The following AHI1 variants were observed in gnomAD, a reference collection of about 807,000 sequenced individuals.
AHI1 encodes Abelson helper integration site 1.
In AHI1, 123 loss-of-function variants were observed where a neutral mutation model predicts 149.3. That is an observed-to-expected ratio of 0.82 (90% CI 0.71 to 0.96). The LOEUF (loss-of-function observed/expected upper bound fraction) is 0.96. Ranked by LOEUF, AHI1 falls within the 40% of genes least tolerant of loss-of-function variation. The pLI is 0.00. For synonymous variants in AHI1, 475 were observed against 459.8 expected (o/e 1.03, Z -0.42); for missense variants, 1,439 against 1,422.7 (o/e 1.01, Z -0.18).
intron 13 of AHI1, among the ~76,000 whole-genome samples, chr6:135,444,276 T>C (rs990828193): frequency 2.0e-5 from 3 of 152,186 alleles, no homozygotes; most frequent in Non-Finnish European, 2.9e-5. Context: ...CATCCTCAAA[T>C]ACAATTGTTA....
intron 8 of AHI1, among the ~76,000 whole-genome samples, chr6:135,459,935 T>C (rs1789608430): frequency 6.6e-6 from 1 of 152,122 alleles, no homozygotes; most frequent in Non-Finnish European, 1.5e-5. Flanking sequence ...CTCACATCTG[T>C]AATCCCAGCA....
intron 26 of AHI1, among the ~76,000 whole-genome samples, chr6:135,314,585 T>C (rs928222554): frequency 3.3e-5 from 5 of 152,248 alleles, no homozygotes; most frequent in African/African-American, 1.2e-4. Context: ...CTGTATCCCT[T>C]ACAGTCCTTA....
intron 27 of AHI1, among the ~76,000 whole-genome samples, chr6:135,291,530 G>C (rs1782351655): frequency 1.3e-5 from 2 of 152,204 alleles, no homozygotes; most frequent in Non-Finnish European, 2.9e-5. Flanking sequence ...GCCAGGAAGA[G>C]AGGCCTCACG....
chr6:135,496,358 T>A (rs886818584), intron 2 of AHI1, among the ~76,000 whole-genome samples: 3 of 152,240 alleles, frequency 2.0e-5, no homozygotes, highest in East Asian at 3.9e-4. Flanking sequence ...CCTCAAGTGA[T>A]CCACCCACTT....
chr6:135,414,815 T>G (rs929162335), intron 20 of AHI1, among the ~76,000 whole-genome samples: 4 of 151,914 alleles, frequency 2.6e-5, no homozygotes, highest in Non-Finnish European at 4.4e-5. Context: ...TATTTATTTT[T>G]ATTTTATTAT....
intron 20 of AHI1, among the ~76,000 whole-genome samples, chr6:135,420,878 C>G (rs772149991): frequency 1.3e-5 from 2 of 152,174 alleles, no homozygotes; most frequent in Non-Finnish European, 2.9e-5. Context: ...AGCCTTTGCC[C>G]TATCTCAGCT....
At position 135,284,176 on chromosome 6, in the gene AHI1, C is replaced by G. The variant is rs1781479927; in HGVS notation, c.*1469G>C. ...TTGGGCGGATGGCTGTAGGCTTCAC[C>G]AGTTATCAGTGCCACTCAACACTTT... is the stretch of plus-strand genomic sequence containing the variant. On this transcript the variant is annotated 3_prime_UTR_variant, in exon 29 of 29. Transcript: ENST00000265602. 1 of 152,164 alleles carries G rather than the reference C, an allele frequency of 6.6e-6. No individual in the cohort carries two copies. The allele number at this position is 152,164 out of a possible 1,614,324, so 9.4% of individuals were successfully genotyped here. A position where few individuals can be genotyped will look rare whatever the true frequency, so the allele number is the denominator to read the frequency against.
At chr6:135,413,714 C>G (rs901618555) in intron 20 of AHI1, among the ~76,000 whole-genome samples, 4 of 132,868 alleles carry the variant, frequency 3.0e-5, no homozygotes, top group African/African-American at 1.0e-4. Flanking sequence ...TATATACAAG[C>G]AATTAAGAAC....
At chr6:135,357,627 T>C (rs182714788) in intron 24 of AHI1, among the ~76,000 whole-genome samples, 10 of 152,326 alleles carry the variant, frequency 6.6e-5, no homozygotes, top group Admixed American at 3.3e-4. Flanking sequence ...AGTCTTTCAA[T>C]TGCAAACTAG....
At chr6:135,290,681 A>T (rs1454778116) in intron 27 of AHI1, among the ~76,000 whole-genome samples, 156 bp from the exon 28 acceptor site, 1 of 152,200 alleles carries the variant, frequency 6.6e-6, no homozygotes, top group Non-Finnish European at 1.5e-5. Context: ...ACTAATGAGT[A>T]TACACGGGGA....
intron 24 of AHI1, among the ~76,000 whole-genome samples, chr6:135,340,654 CATACATATATAT>C (rs1168260923): frequency 0.02 from 1,187 of 58,572 alleles, 39 homozygotes; most frequent in African/African-American, 0.047. Flanking sequence ...TATATACATA[CATACATATATAT>C]ATATATATAT....
intron 23 of AHI1, among the ~76,000 whole-genome samples, chr6:135,376,656 G>A: frequency 6.6e-6 from 1 of 151,794 alleles, no homozygotes; most frequent in Non-Finnish European, 1.5e-5. Flanking sequence ...GGCCAAGGTG[G>A]GCAGATCACG....
At chr6:135,490,291 A>G in intron 5 of AHI1, 3 of 708,126 alleles carry the variant, frequency 4.2e-6, no homozygotes, top group Non-Finnish European at 7.8e-6. Flanking sequence ...TGAAGTTAAG[A>G]TACTACTTCC....
At position 135,309,234 on chromosome 6, in the gene AHI1, G is replaced by A. The variant is rs371763905; in HGVS notation, c.3427-8676C>T. Among the ~76,000 whole-genome samples, 22 of 152,270 alleles carry A rather than the reference G, an allele frequency of 1.4e-4. 1 individual carries two copies. In the East Asian group the frequency reaches 3.5e-3, roughly 24 times the overall value. On this transcript the variant is annotated intron_variant, in intron 26 of 28. Coordinates refer to ENST00000265602, the MANE Select transcript of AHI1 (RefSeq NM_001134831.2). ...TGTTGGGAGTGGAATCTATGGGTAT[G>A]AGGTAAAGGTAACTCACACAGGCTT...
chr6:135,490,362 T>TTGAGTTTCCCCACTATCTCTGG lies in AHI1; in HGVS notation c.135+239_135+260dup, dbSNP rs796257731. Reference sequence around the variant, plus strand: ...TTCAAAAATGTTATCATGGCTAGTTTTGAGTTTCCCCACTATCTCTGGTCA... The same window carrying TTGAGTTTCCCCACTATCTCTGG: ...TTCAAAAATGTTATCATGGCTAGTTTTGAGTTTCCCCACTATCTCTGGTGAGTTTCCCCACTATCTCTGGTCA... On this transcript the variant is annotated intron_variant, in intron 5 of 28. Coordinates refer to ENST00000265602, the MANE Select transcript of AHI1 (RefSeq NM_001134831.2). 3.3e-3 allele frequency: 2,148 copies of TTGAGTTTCCCCACTATCTCTGG among 658,846 alleles called. 35 individuals carry two copies. In the African/African-American group the frequency reaches 0.033, roughly 10 times the overall value. 40.8% of individuals were successfully genotyped at this position (658,846 alleles called of 1,614,324 possible).
In AHI1 at chr6:135,454,692, C is replaced by T. The variant is rs182364233; in HGVS notation, c.1344+1042G>A. Among the ~76,000 whole-genome samples the T allele has an allele frequency of 7.2e-5, 11 of 152,270 alleles. No homozygotes were observed. In the East Asian group the frequency reaches 1.5e-3, roughly 21 times the overall value. ...TTAAAACTTAAGAAGCAACCAAAAG[C>T]GTTTATAATACAACAATCTATCCTT... On this transcript the variant is annotated intron_variant, in intron 10 of 28. Transcript: ENST00000265602.
At chr6:135,420,729 T>C (rs2127993782) in intron 20 of AHI1, among the ~76,000 whole-genome samples, 1 of 152,304 alleles carries the variant, frequency 6.6e-6, no homozygotes, top group African/African-American at 2.4e-5. Context: ...GTGGCTGGTT[T>C]CATCTTTTAT....
At chr6:135,472,361 A>C (rs1423387931) in intron 5 of AHI1, among the ~76,000 whole-genome samples, 1 of 152,164 alleles carries the variant, frequency 6.6e-6, no homozygotes, top group African/African-American at 2.4e-5. Context: ...CTTTATTCAT[A>C]GCAGTTTATT....
intron 4 of AHI1, 86 bp from the exon 5 acceptor site, chr6:135,490,833 T>C (rs377504931): frequency 5.4e-6 from 8 of 1,477,930 alleles, no homozygotes; most frequent in Non-Finnish European, 7.3e-6. Context: ...AAATAAGTTC[T>C]TGTAAATATC....
Sources: gnomAD v4.1 joint callset for allele counts (sites outside exome capture counted in the v4.1 genomes callset) on GRCh38, gnomAD v4.1.1 for gene constraint, MANE v1.5 for transcripts, NCBI Gene and HGNC (gene_info 2026-07-23, HGNC 2026-07-21) for gene names.